Variants in CTNND2 observed in about 807,000 individuals in gnomAD.
CTNND2 encodes the protein catenin delta-2.
CTNND2 carries 22 observed loss-of-function variants against 144.4 expected under a neutral mutation model. That is an observed-to-expected ratio of 0.15 (90% CI 0.11 to 0.22). The LOEUF (loss-of-function observed/expected upper bound fraction) is 0.22, where lower values mean the gene tolerates loss of function less well. Ranked by LOEUF, CTNND2 falls within the 10% of genes least tolerant of loss-of-function variation. CTNND2 has a pLI of 1.00. For missense variants in CTNND2, 1,353 were observed against 1,618.8 expected, an observed-to-expected ratio of 0.84 and a Z score of 2.82; for synonymous variants, 751 against 695.6, an observed-to-expected ratio of 1.08 and a Z score of -1.25.
intron 1 of CTNND2, among the ~76,000 whole-genome samples, chr5:11,895,948 AC>A (rs1398630227): frequency 6.6e-6 from 1 of 152,132 alleles, no homozygotes; most frequent in Non-Finnish European, 1.5e-5. Context: ...TCATTACAAC[AC>A]CCAGTGTTGT....
intron 10 of CTNND2, among the ~76,000 whole-genome samples, chr5:11,212,326 G>A (rs1429505984): frequency 6.6e-6 from 1 of 152,198 alleles, no homozygotes; most frequent in Admixed American, 6.5e-5. Flanking sequence ...AGGAAATGGG[G>A]TGGGGTAATT....
chr5:11,099,622 T>G (rs1303080621), intron 14 of CTNND2, among the ~76,000 whole-genome samples: 1 of 152,142 alleles, frequency 6.6e-6, no homozygotes, highest in Non-Finnish European at 1.5e-5. Context: ...TCATAAAAAT[T>G]TACTAATACA....
At chr5:11,161,794 T>C (rs572826678) in intron 11 of CTNND2, among the ~76,000 whole-genome samples, 44 of 152,220 alleles carry the variant, frequency 2.9e-4, no homozygotes, top group African/African-American at 1.0e-3. Context: ...ATCTAAAAAT[T>C]GAGGCTTATA....
chr5:11,572,621 G>A (rs908391105), intron 2 of CTNND2, among the ~76,000 whole-genome samples: 4 of 151,786 alleles, frequency 2.6e-5, no homozygotes, highest in African/African-American at 7.3e-5. Context: ...CCTTTCCTAC[G>A]ACTGACCACT....
At chr5:11,814,776 A>G (rs1446407051) in intron 1 of CTNND2, among the ~76,000 whole-genome samples, 3 of 152,228 alleles carry the variant, frequency 2.0e-5, no homozygotes, top group African/African-American at 7.2e-5. Flanking sequence ...AAAATAAAAT[A>G]AAACATCAAA....
chr5:11,865,166 A>T (rs902821097), intron 1 of CTNND2, among the ~76,000 whole-genome samples: 8 of 152,148 alleles, frequency 5.3e-5, no homozygotes, highest in Non-Finnish European at 1.0e-4. Flanking sequence ...AAGTGTTGGG[A>T]TTACAGGCAT....
intron 3 of CTNND2, among the ~76,000 whole-genome samples, chr5:11,433,652 G>A (rs1238944862): frequency 6.6e-6 from 1 of 152,092 alleles, no homozygotes; most frequent in Non-Finnish European, 1.5e-5. Context: ...GTGGGTAGGT[G>A]CCACACACTT....
At chr5:11,294,918 G>A (rs1748745600) in intron 9 of CTNND2, among the ~76,000 whole-genome samples, 1 of 152,140 alleles carries the variant, frequency 6.6e-6, no homozygotes, top group Admixed American at 6.5e-5. Flanking sequence ...TTGAAAACTG[G>A]CACAAGACAA....
rs149382105 is a variant in CTNND2 at position 10,984,060 on chromosome 5, C to T, written c.3344-2214G>A. ...CCACGTCAAGTGAAGTAACCCCTTCCGCCTGCACCCCCATCTCATTACCCT... is the reference window on the plus strand; with the variant it reads ...CCACGTCAAGTGAAGTAACCCCTTCTGCCTGCACCCCCATCTCATTACCCT... On this transcript the variant is annotated intron_variant, in intron 20 of 21. Coordinates refer to ENST00000304623, the MANE Select transcript of CTNND2 (RefSeq NM_001332.4). Among the ~76,000 whole-genome samples the T allele has an allele frequency of 6.0e-4, 92 of 152,286 alleles. No homozygotes were observed. In the Middle Eastern group the frequency reaches 0.017, roughly 28 times the overall value.
chr5:11,503,796 T>G (rs1275405226), intron 3 of CTNND2, among the ~76,000 whole-genome samples: 1 of 152,208 alleles, frequency 6.6e-6, no homozygotes, highest in Non-Finnish European at 1.5e-5. Context: ...TGTACATACC[T>G]TGTGATGGTT....
intron 10 of CTNND2, among the ~76,000 whole-genome samples, chr5:11,204,554 T>C (rs535455202): frequency 6.6e-6 from 1 of 152,088 alleles, no homozygotes; most frequent in Non-Finnish European, 1.5e-5. Context: ...ATAGCACCTA[T>C]TGCAAAAATA....
chr5:11,179,902 C>T (rs1352482767), intron 11 of CTNND2, among the ~76,000 whole-genome samples: 1 of 152,168 alleles, frequency 6.6e-6, no homozygotes, highest in African/African-American at 2.4e-5. Context: ...ATGGGGATAA[C>T]AATGACACAC....
chr5:10,977,883 C>T (rs928779680), intron 21 of CTNND2, among the ~76,000 whole-genome samples: 1 of 152,238 alleles, frequency 6.6e-6, no homozygotes, highest in African/African-American at 2.4e-5. Flanking sequence ...GAAAATGTGC[C>T]TGAGTCCCAG....
chr5:11,729,647 G>T lies in CTNND2; in HGVS notation c.174+2489C>A, dbSNP rs34971015. On this transcript the variant is annotated intron_variant, in intron 2 of 21. Transcript: ENST00000304623. ...TTCAAATAATTTTATAATAAATTTC[G>T]ACACACATAAAATCTTACCTATTTA... Among the ~76,000 whole-genome samples the T allele has an allele frequency of 8.0e-3, 1,212 of 151,928 alleles. 11 individuals are homozygous for T. Among genetic ancestry groups the T allele is most frequent in the Non-Finnish European group, 0.01 (685 of 67,940 alleles).
chr5:11,890,901 G>A (rs1736905606), intron 1 of CTNND2, among the ~76,000 whole-genome samples: 1 of 152,124 alleles, frequency 6.6e-6, no homozygotes, highest in Admixed American at 6.6e-5. Flanking sequence ...GAAAGAAACT[G>A]GACCTTTTGC....
intron 1 of CTNND2, among the ~76,000 whole-genome samples, chr5:11,862,425 T>C (rs1407479707): frequency 6.6e-6 from 1 of 152,186 alleles, no homozygotes; most frequent in East Asian, 1.9e-4. Context: ...CAACATGACA[T>C]TTTCTTACTT....
intron 10 of CTNND2, among the ~76,000 whole-genome samples, chr5:11,229,646 G>GTA (rs1740763493): frequency 1.9e-5 from 2 of 102,958 alleles, no homozygotes; most frequent in Middle Eastern, 9.7e-3. Context: ...GCCATATTGC[G>GTA]TGTGTGTGTG....
intron 2 of CTNND2, among the ~76,000 whole-genome samples, chr5:11,595,364 G>C (rs984432165): frequency 7.9e-5 from 12 of 152,204 alleles, no homozygotes; most frequent in Non-Finnish European, 1.3e-4. Context: ...TTGGTACTAA[G>C]AGACTAGATG....
chr5:11,326,174 T>C (rs76747660), intron 9 of CTNND2, among the ~76,000 whole-genome samples: 1 of 152,182 alleles, frequency 6.6e-6, no homozygotes, highest in Non-Finnish European at 1.5e-5. Context: ...TTCAACAGGA[T>C]GCTCTGCTTC....
Sources: gnomAD v4.1 joint callset for allele counts (sites outside exome capture counted in the v4.1 genomes callset) on GRCh38, gnomAD v4.1.1 for gene constraint, MANE v1.5 for transcripts, NCBI Gene and HGNC (gene_info 2026-07-23, HGNC 2026-07-21) for gene names.